Variants in XIRP2 observed in about 807,000 individuals in gnomAD.
XIRP2 encodes xin actin binding repeat containing 2, also known as xin actin-binding repeat-containing protein 2.
XIRP2 carries 236 observed loss-of-function variants against 277.0 expected under a neutral mutation model. The ratio of observed to expected loss-of-function variants is 0.85; its 90% CI spans 0.77 to 0.95. XIRP2 has a LOEUF of 0.95. XIRP2 is among the 40% of genes least tolerant of loss of function. The probability of loss-of-function intolerance (pLI) is 0.00; values close to 1 mark genes in which losing one functional copy is unlikely to be tolerated. For synonymous variants in XIRP2, 1,490 were observed against 1,416.5 expected, an observed-to-expected ratio of 1.05 and a Z score of -1.17; for missense variants, 4,640 against 4,157.5, an observed-to-expected ratio of 1.12 and a Z score of -3.19.
intron 2 of XIRP2, among the ~76,000 whole-genome samples, chr2:166,930,165 G>A (rs1414210895): frequency 6.6e-6 from 1 of 152,108 alleles, no homozygotes; most frequent in Non-Finnish European, 1.5e-5. Context: ...TCTAGATTAT[G>A]TTTAACATAA....
intron 2 of XIRP2, among the ~76,000 whole-genome samples, chr2:166,944,834 G>A (rs113548692): frequency 1.3e-5 from 2 of 152,220 alleles, no homozygotes; most frequent in Middle Eastern, 3.4e-3. Context: ...AATAAATGGG[G>A]CCACATCTAT....
Position 166,925,589 on chromosome 2 carries a change from GTATATACATA to G in XIRP2, c.408+21706_408+21715del, listed in dbSNP as rs1338063433. Among the ~76,000 whole-genome samples, 558 of 105,944 alleles carry G rather than the reference GTATATACATA, an allele frequency of 5.3e-3. 3 individuals are homozygous for G. Among genetic ancestry groups the G allele is most frequent in the East Asian group, 0.011 (38 of 3,516 alleles). 69.5% of individuals were successfully genotyped at this position (105,944 alleles called of 152,430 possible). ...TGTGTATGTATGTGTGTGTGTATGT[GTATATACATA>G]TATATATATATATATATATATATAT... On this transcript the variant is annotated intron_variant, in intron 2 of 10. Transcript: ENST00000409195.
At chr2:167,015,422 C>A (rs538131927) in intron 2 of XIRP2, among the ~76,000 whole-genome samples, 41 of 128,704 alleles carry the variant, frequency 3.2e-4, no homozygotes, top group African/African-American at 1.2e-3. Flanking sequence ...TGTCTTTTAT[C>A]TATCTATCTA....
At chr2:166,891,799 A>T (rs1392346923) in intron 1 of XIRP2, among the ~76,000 whole-genome samples, 1 of 152,190 alleles carries the variant, frequency 6.6e-6, no homozygotes, top group East Asian at 1.9e-4. Context: ...CACTAATATT[A>T]GCATTATAAA....
chr2:167,259,199 G>T lies in XIRP2; in HGVS notation c.*1382G>T, dbSNP rs754393155. On this transcript the variant is annotated 3_prime_UTR_variant, in exon 11 of 11. Coordinates refer to ENST00000409195, the MANE Select transcript of XIRP2 (RefSeq NM_152381.6). ...TGGAAAGGATGTTAAACCTTGGCATGTTGAAACAACAGAAGCTGCCCGCAA... is the reference window on the plus strand; with the variant it reads ...TGGAAAGGATGTTAAACCTTGGCATTTTGAAACAACAGAAGCTGCCCGCAA... 2.5e-6 allele frequency: 4 copies of T among 1,613,368 alleles called. No homozygotes were observed. Among genetic ancestry groups the T allele is most frequent in the Admixed American group, 1.7e-5 (1 of 59,916 alleles).
chr2:167,091,945 A>T (rs557328462), intron 2 of XIRP2, among the ~76,000 whole-genome samples: 2 of 152,220 alleles, frequency 1.3e-5, no homozygotes, highest in East Asian at 3.9e-4. Flanking sequence ...GTGACTTTTG[A>T]TGATATCAGC....
chr2:167,016,093 C>T (rs1687821350), intron 2 of XIRP2, among the ~76,000 whole-genome samples: 1 of 151,696 alleles, frequency 6.6e-6, no homozygotes, highest in African/African-American at 2.4e-5. Flanking sequence ...AAGCAATATT[C>T]TTTGTTCAAA....
chr2:167,166,799 A>T (rs186066646), intron 3 of XIRP2, among the ~76,000 whole-genome samples: 1 of 152,240 alleles, frequency 6.6e-6, no homozygotes, highest in East Asian at 1.9e-4. Context: ...AGGCCTCAAC[A>T]CCAACACTGG....
At chr2:167,089,875 G>A (rs924596909) in intron 2 of XIRP2, among the ~76,000 whole-genome samples, 2 of 152,030 alleles carry the variant, frequency 1.3e-5, no homozygotes, top group African/African-American at 4.8e-5. Context: ...TAGAGACAGA[G>A]GCTTTATGGC....
In XIRP2 at chr2:167,247,920, C is replaced by T. The variant is rs759163543; in HGVS notation, c.6528C>T (p.Tyr2176=). 107 of 1,612,928 alleles carry T rather than the reference C, an allele frequency of 6.6e-5. No individual in the cohort carries two copies. The highest frequency in any genetic ancestry group is 1.1e-4 in the South Asian group (10 of 90,818). ...TCAGCATGCCAGTTGGAGGAACTTA[C>T]GACCTTTCAGGGGACTTTCAGAAGC... ...HPVSMPVGGT[Y]DLSGDFQKQT... Residue 2176 remains tyrosine, a synonymous_variant, in exon 9 of 11, where the codon TAC becomes TAT. Coordinates refer to ENST00000409195, the MANE Select transcript of XIRP2 (RefSeq NM_152381.6).
chr2:166,999,900 C>A (rs1416081822), intron 2 of XIRP2, among the ~76,000 whole-genome samples: 1 of 151,838 alleles, frequency 6.6e-6, no homozygotes, highest in African/African-American at 2.4e-5. Context: ...TTCCTTGTAG[C>A]TAGAAGAAAA....
At chr2:167,212,211 C>T (rs973148639) in intron 4 of XIRP2, among the ~76,000 whole-genome samples, 1 of 152,128 alleles carries the variant, frequency 6.6e-6, no homozygotes, top group Non-Finnish European at 1.5e-5. Flanking sequence ...TAAACAGTGG[C>T]ACTATAGTAC....
At chr2:166,985,111 C>A (rs1026019979) in intron 2 of XIRP2, among the ~76,000 whole-genome samples, 1 of 152,120 alleles carries the variant, frequency 6.6e-6, no homozygotes, top group Admixed American at 6.6e-5. Flanking sequence ...AAAATTTAGT[C>A]CATAATAAAA....
Position 167,175,866 on chromosome 2 carries a change from G to T in XIRP2, c.563-34869G>T, listed in dbSNP as rs142408846. On this transcript the variant is annotated intron_variant, in intron 3 of 10. Coordinates refer to ENST00000409195, the MANE Select transcript of XIRP2 (RefSeq NM_152381.6). ...GAGGAGGAATCTAGAGAGGCAGTCTGGCTACAGCAGCTTTGCCTAGCTGTG... is the reference window on the plus strand; with the variant it reads ...GAGGAGGAATCTAGAGAGGCAGTCTTGCTACAGCAGCTTTGCCTAGCTGTG... 5.8e-3 allele frequency among the ~76,000 whole-genome samples: 880 copies of T among 152,242 alleles called. 20 individuals carry two copies. The highest frequency in any genetic ancestry group is 0.04 in the Admixed American group (608 of 15,300).
rs1009760368 is a variant in XIRP2 at position 167,246,317 on chromosome 2, A to G, written c.4925A>G (p.Asn1642Ser). ...AATTTGACTAAAACTCAATTATTAAACAGATCAACTGAATTTCATGCTGAA... is the reference window on the plus strand; with the variant it reads ...AATTTGACTAAAACTCAATTATTAAGCAGATCAACTGAATTTCATGCTGAA... ...NVNLTKTQLL[N>S]RSTEFHAEKE... The change falls in exon 9 of 11, where the codon AAC (asparagine) becomes AGC (serine). Residue 1642 changes from asparagine to serine, a missense_variant. Asn to Ser is a conservative substitution (Grantham distance 46, BLOSUM62 1). Transcript: ENST00000409195. 6.2e-7 allele frequency: 1 copy of G among 1,613,140 alleles called. No individual in the cohort carries two copies. The highest frequency in any genetic ancestry group is 8.5e-7 in the Non-Finnish European group (1 of 1,179,640).
rs933436282 is a variant in XIRP2, at chr2:167,181,946, G to C, written c.563-28789G>C. ...CATTATGTTGGCATAGTTATTAATGGTGCTTTCTTCACTCCCCAAAGCCCC... is the reference window on the plus strand; with the variant it reads ...CATTATGTTGGCATAGTTATTAATGCTGCTTTCTTCACTCCCCAAAGCCCC... On this transcript the variant is annotated intron_variant, in intron 3 of 10. Transcript: ENST00000409195. 3.3e-5 allele frequency among the ~76,000 whole-genome samples: 5 copies of C among 152,092 alleles called. No homozygotes were observed. In the South Asian group the frequency reaches 8.3e-4, roughly 25 times the overall value.
At chr2:167,000,497 G>A (rs1574148914) in intron 2 of XIRP2, among the ~76,000 whole-genome samples, 1 of 145,806 alleles carries the variant, frequency 6.9e-6, no homozygotes, top group Admixed American at 6.9e-5. Context: ...ATTGGTTTTT[G>A]TTTTGGGGTT....
At chr2:167,025,787 A>C (rs1487135293) in intron 2 of XIRP2, among the ~76,000 whole-genome samples, 2 of 152,154 alleles carry the variant, frequency 1.3e-5, no homozygotes, top group South Asian at 2.1e-4. Flanking sequence ...CTTAATCCTG[A>C]GTTCTAGTTT....
intron 2 of XIRP2, among the ~76,000 whole-genome samples, chr2:167,040,907 T>C (rs1440131901): frequency 6.6e-6 from 1 of 152,224 alleles, no homozygotes; most frequent in African/African-American, 2.4e-5. Flanking sequence ...GTGAGGGGCA[T>C]GCACAGACTC....
Sources: allele counts gnomAD v4.1 joint callset (sites outside exome capture counted in the v4.1 genomes callset), GRCh38; gene constraint gnomAD v4.1.1; transcripts MANE v1.5; gene names NCBI Gene and HGNC (gene_info 2026-07-23, HGNC 2026-07-21).